Variants in TRAM2 observed in about 807,000 individuals in gnomAD.
TRAM2 encodes translocating chain-associated membrane protein 2.
A neutral mutation model predicts 51.0 loss-of-function variants in TRAM2; 12 were observed. The observed-to-expected ratio is 0.24, with a 90% CI of 0.15 to 0.38. The LOEUF (loss-of-function observed/expected upper bound fraction) is 0.38. TRAM2 is among the 10% of genes least tolerant of loss of function. TRAM2 has a pLI of 1.00. For missense variants in TRAM2, 361 were observed against 462.0 expected (o/e 0.78, Z 2.00); for synonymous variants, 175 against 179.4 (o/e 0.98, Z 0.20).
chr6:52,570,787 T>TCC (rs1767663385), intron 1 of TRAM2, among the ~76,000 whole-genome samples: 3 of 57,778 alleles, frequency 5.2e-5, no homozygotes, highest in South Asian at 5.7e-4. Context: ...CAATCCTCCC[T>TCC]GCCCACCACC....
rs375528934 is a variant in TRAM2 at position 52,501,980 on chromosome 6, A to G, written c.*1217T>C. ...GAGGGAAGGGGCCAGAAAGGCGCCT[A>G]TCATCTACCCAGAGAGTGACTCTCA... On this transcript the variant is annotated 3_prime_UTR_variant, in exon 11 of 11. Transcript: ENST00000182527. 6.6e-6 allele frequency: 1 copy of G among 152,240 alleles called. No individual in the cohort carries two copies. Among genetic ancestry groups the G allele is most frequent in the Non-Finnish European group, 1.5e-5 (1 of 68,060 alleles). The allele number at this position is 152,240 out of a possible 1,614,324, so 9.4% of individuals were successfully genotyped here. A position where few individuals can be genotyped will look rare whatever the true frequency, so the allele number is the denominator to read the frequency against.
At chr6:52,565,779 T>A (rs1767580813) in intron 1 of TRAM2, among the ~76,000 whole-genome samples, 1 of 152,186 alleles carries the variant, frequency 6.6e-6, no homozygotes, top group Non-Finnish European at 1.5e-5. Context: ...TAAGTAACTT[T>A]TCTGAATAAA....
rs1472098189 is a variant in TRAM2, at chr6:52,516,062, G to A, written c.355C>T (p.Gln119Ter). 6.2e-7 allele frequency: 1 copy of A among 1,614,216 alleles called. No homozygotes were observed. Among genetic ancestry groups the A allele is most frequent in the South Asian group, 1.1e-5 (1 of 91,078 alleles). The change falls in exon 4 of 11, where the codon CAG (glutamine) becomes TAG (stop). Residue 119 changes from glutamine to a stop codon, truncating the protein, a stop_gained. Coordinates refer to ENST00000182527, the MANE Select transcript of TRAM2 (RefSeq NM_012288.4). LOFTEE classifies it high-confidence loss of function. ...VKHSKFNESG[Q>*]LVVFHFTSVI... Reference sequence around the variant, plus strand: ...GAGGTGAAATGAAAGACGACCAGCTGTCCAGATTCATTGAACTTGCTGTGT... The same window carrying A: ...GAGGTGAAATGAAAGACGACCAGCTATCCAGATTCATTGAACTTGCTGTGT...
intron 1 of TRAM2, among the ~76,000 whole-genome samples, chr6:52,568,952 T>A (rs1009814329): frequency 1.3e-5 from 2 of 152,084 alleles, no homozygotes; most frequent in African/African-American, 4.8e-5. Context: ...AGAGGTACAA[T>A]CATCAGCTCC....
At chr6:52,569,175 A>AC (rs1167058027) in intron 1 of TRAM2, among the ~76,000 whole-genome samples, 6 of 152,090 alleles carry the variant, frequency 3.9e-5, no homozygotes, top group Non-Finnish European at 8.8e-5. Context: ...CAGGCAGATC[A>AC]CCTGAGGTCA....
intron 1 of TRAM2, among the ~76,000 whole-genome samples, chr6:52,539,878 T>C (rs146328742): frequency 2.0e-3 from 301 of 152,324 alleles, no homozygotes; most frequent in African/African-American, 6.4e-3. Flanking sequence ...GGGTGAATAG[T>C]AGGTTTCTCA....
intron 2 of TRAM2, among the ~76,000 whole-genome samples, chr6:52,532,703 A>C (rs1488737569): frequency 1.3e-5 from 2 of 152,228 alleles, no homozygotes; most frequent in Non-Finnish European, 2.9e-5. Flanking sequence ...CTGATTGGAT[A>C]ATTTGTGGTA....
At chr6:52,554,622 G>A (rs773271417) in intron 1 of TRAM2, among the ~76,000 whole-genome samples, 3 of 151,960 alleles carry the variant, frequency 2.0e-5, no homozygotes, top group Non-Finnish European at 2.9e-5. Context: ...TCTCAATGGG[G>A]CAGCAATGGG....
intron 2 of TRAM2, among the ~76,000 whole-genome samples, chr6:52,526,790 A>G (rs1056884555): frequency 6.6e-6 from 1 of 152,226 alleles, no homozygotes; most frequent in African/African-American, 2.4e-5. Context: ...CCAGGCACAT[A>G]CTACAGACTC....
At chr6:52,531,704 C>T (rs2268732) in intron 2 of TRAM2, among the ~76,000 whole-genome samples, 18,726 of 152,250 alleles carry the variant, frequency 0.12, 1,806 homozygotes, top group Admixed American at 0.27. Context: ...AGACCTCTCA[C>T]TCTACTCACA....
chr6:52,546,531 G>A (rs1767203433), intron 1 of TRAM2, among the ~76,000 whole-genome samples: 1 of 152,192 alleles, frequency 6.6e-6, no homozygotes, highest in East Asian at 1.9e-4. Context: ...CAGACCTGGG[G>A]TGGTGCTAGG....
chr6:52,541,654 G>A (rs1350748082), intron 1 of TRAM2, among the ~76,000 whole-genome samples: 1 of 152,090 alleles, frequency 6.6e-6, no homozygotes, highest in Non-Finnish European at 1.5e-5. Context: ...ACAGGCACTG[G>A]GTACACCTAG....
At chr6:52,507,481 A>G in intron 7 of TRAM2, 72 bp downstream of exon 7, 1 of 1,476,852 alleles carries the variant, frequency 6.8e-7, no homozygotes. Context: ...CCTGATAATT[A>G]TATGAGTGTG....
chr6:52,519,140 C>T lies in TRAM2; in HGVS notation c.185-2403G>A, dbSNP rs576190805. The stretch of plus-strand genomic sequence containing the variant: ...TGCATCCTCATTGGCTGACGAACCA[C>T]GCACAGGGCTCCATGCTGGGCACTG... On this transcript the variant is annotated intron_variant, in intron 2 of 10. Transcript: ENST00000182527. Among the ~76,000 whole-genome samples the T allele has an allele frequency of 1.1e-4, 16 of 152,342 alleles. No individual in the cohort carries two copies. The East Asian group carries it at 1.7e-3, about 17-fold the overall frequency.
intron 1 of TRAM2, among the ~76,000 whole-genome samples, chr6:52,538,403 TG>T (rs1385569302): frequency 2.0e-5 from 3 of 151,956 alleles, no homozygotes; most frequent in Non-Finnish European, 4.4e-5. Flanking sequence ...CTACGGGGGA[TG>T]GGAGGATGGA....
intron 1 of TRAM2, among the ~76,000 whole-genome samples, chr6:52,539,819 C>T (rs1047204622): frequency 6.6e-6 from 1 of 152,162 alleles, no homozygotes. Context: ...CATCTGTCCA[C>T]GATTATTCTT....
Position 52,502,921 on chromosome 6 carries a change from T to C in TRAM2, c.*276A>G, listed in dbSNP as rs923871204. 4 of 435,248 alleles carry C rather than the reference T, an allele frequency of 9.2e-6. No individual in the cohort carries two copies. Among genetic ancestry groups the C allele is most frequent in the Non-Finnish European group, 1.6e-5 (4 of 244,844 alleles). 27.0% of individuals were successfully genotyped at this position (435,248 alleles called of 1,614,324 possible). ...GGTGCCAGCCATGGGCGCCTGGCGT[T>C]CCAGAAAAGCCAGCACAGGACAGGA... On this transcript the variant is annotated 3_prime_UTR_variant, in exon 11 of 11. Coordinates refer to ENST00000182527, the MANE Select transcript of TRAM2 (RefSeq NM_012288.4).
intron 1 of TRAM2, among the ~76,000 whole-genome samples, chr6:52,560,076 A>G (rs1450206403): frequency 1.3e-5 from 2 of 152,234 alleles, no homozygotes; most frequent in East Asian, 1.9e-4. Flanking sequence ...CCCCGTCTCT[A>G]TTAAAAATAC....
intron 1 of TRAM2, among the ~76,000 whole-genome samples, chr6:52,560,624 G>A (rs571683756): frequency 2.6e-4 from 39 of 152,278 alleles, no homozygotes; most frequent in African/African-American, 8.4e-4. Context: ...CCTGTGTCCC[G>A]TGTGTTTTGG....
Sources: gnomAD v4.1 joint callset for allele counts (sites outside exome capture counted in the v4.1 genomes callset) on GRCh38, gnomAD v4.1.1 for gene constraint, MANE v1.5 for transcripts, NCBI Gene and HGNC (gene_info 2026-07-23, HGNC 2026-07-21) for gene names.